PDE1C: variants seen among roughly 807,000 people sequenced by gnomAD.
PDE1C encodes phosphodiesterase 1C, also known as dual specificity calcium/calmodulin-dependent 3',5'-cyclic nucleotide phosphodiesterase 1C.
A neutral mutation model predicts 93.1 loss-of-function variants in PDE1C; 62 were observed. The observed-to-expected ratio is 0.67, with a 90% CI of 0.54 to 0.82. The LOEUF is 0.82. Among genes scored for constraint, PDE1C ranks in the 40% least tolerant of loss-of-function variants. PDE1C has a pLI of 0.00. For synonymous variants in PDE1C, 325 were observed against 310.1 expected (o/e 1.05, Z -0.50); for missense variants, 742 against 884.6 (o/e 0.84, Z 2.04).
At chr7:31,709,621 C>T in the PDE1C span, among the ~76,000 whole-genome samples, 193 of 152,116 alleles carry the variant, frequency 1.3e-3, no homozygotes, top group Non-Finnish European at 4.6e-4. Flanking sequence ...AATAGAGTCC[C>T]AATCTTAAAA....
In PDE1C at chr7:31,824,910, C is replaced by G; in HGVS notation, c.1363G>C (p.Asp455His). ...GTCCCACCAGTTTGAGAGGTTTCAT[C>G]GATTAATGGACTCACAATCTTCTCG... ...MTEKIVSPLI[D>H]ETSQTGGTGQ... The change falls in exon 13 of 18, where the codon GAT becomes CAT. Residue 455 changes from aspartate to histidine, a missense_variant. Transcript: ENST00000396191. 1 of 1,613,324 alleles carries G rather than the reference C, an allele frequency of 6.2e-7. No homozygotes were observed. The highest frequency in any genetic ancestry group is 8.5e-7 in the Non-Finnish European group (1 of 1,179,492).
intron 3 of PDE1C, among the ~76,000 whole-genome samples, chr7:32,137,240 C>T (rs1800264208): frequency 6.6e-6 from 1 of 152,214 alleles, no homozygotes; most frequent in Non-Finnish European, 1.5e-5. Context: ...GCATAGCAAT[C>T]AATCACAGCA....
chr7:31,967,332 C>T (rs866494320), intron 2 of PDE1C, among the ~76,000 whole-genome samples: 3 of 152,294 alleles, frequency 2.0e-5, no homozygotes, highest in Middle Eastern at 3.4e-3. Flanking sequence ...CCATAAACAC[C>T]TCTACACAAA....
Position 32,194,823 on chromosome 7 carries a change from T to C in PDE1C, c.136+14666A>G, listed in dbSNP as rs76096978. Among the ~76,000 whole-genome samples, 1,418 of 152,294 alleles carry C rather than the reference T, an allele frequency of 9.3e-3. 29 individuals carry two copies. Among genetic ancestry groups the C allele is most frequent in the African/African-American group, 0.032 (1,331 of 41,564 alleles). On this transcript the variant is annotated intron_variant, in intron 2 of 18. Transcript: ENST00000396193. ...TCTTCTTTTATTTTTTATTTCCTGTTTGTCCTCTTTATTTTTCATTTATCT... is the reference window on the plus strand; with the variant it reads ...TCTTCTTTTATTTTTTATTTCCTGTCTGTCCTCTTTATTTTTCATTTATCT...
intron 1 of PDE1C, among the ~76,000 whole-genome samples, chr7:32,382,035 T>C (rs918207346): frequency 1.3e-5 from 2 of 152,202 alleles, no homozygotes; most frequent in Non-Finnish European, 2.9e-5. Context: ...GTGATATGAT[T>C]ATCATTTCCA....
chr7:32,409,148 G>A (rs1477868305), intron 1 of PDE1C, among the ~76,000 whole-genome samples: 1 of 152,106 alleles, frequency 6.6e-6, no homozygotes, highest in Admixed American at 6.5e-5. Context: ...CTTAAGCCCA[G>A]GAGTTCGAGA....
the PDE1C span, among the ~76,000 whole-genome samples, chr7:31,718,879 T>C: frequency 3.4e-3 from 512 of 152,264 alleles, 1 homozygote; most frequent in African/African-American, 0.012. Context: ...GGGAAGTGTC[T>C]GAAACACCCT....
chr7:32,083,833 A>T (rs1183118068), intron 3 of PDE1C, among the ~76,000 whole-genome samples: 2 of 152,212 alleles, frequency 1.3e-5, no homozygotes, highest in Non-Finnish European at 1.5e-5. Flanking sequence ...GCCTGCCCTA[A>T]AAGAGCTCCT....
At chr7:32,205,443 T>C (rs1167339197) in intron 2 of PDE1C, among the ~76,000 whole-genome samples, 1 of 151,914 alleles carries the variant, frequency 6.6e-6, no homozygotes, top group Non-Finnish European at 1.5e-5. Flanking sequence ...TGGCTAAAGG[T>C]TTGTAAATGC....
the PDE1C span, chr7:31,651,300 T>A: frequency 6.2e-7 from 1 of 1,606,650 alleles, no homozygotes; most frequent in Middle Eastern, 1.7e-4. Context: ...TAAAAGTAAG[T>A]ACCAGCCCAC....
the PDE1C span, among the ~76,000 whole-genome samples, chr7:31,704,532 C>G: frequency 2.6e-5 from 4 of 152,134 alleles, no homozygotes; most frequent in African/African-American, 4.8e-5. Flanking sequence ...AAGTCTTGTG[C>G]CAGATGTTAG....
chr7:31,676,429 TAC>T, the PDE1C span, among the ~76,000 whole-genome samples: 4 of 151,208 alleles, frequency 2.6e-5, no homozygotes, highest in Admixed American at 1.3e-4. Context: ...TTTTTAAAAC[TAC>T]ACACACACAC....
At chr7:32,240,259 G>A (rs183961183) in intron 1 of PDE1C, among the ~76,000 whole-genome samples, 1 of 152,240 alleles carries the variant, frequency 6.6e-6, no homozygotes, top group East Asian at 1.9e-4. Context: ...ACAGTTTATG[G>A]TAATGAATGA....
chr7:31,972,791 C>A (rs998990374), intron 2 of PDE1C, among the ~76,000 whole-genome samples: 1 of 152,118 alleles, frequency 6.6e-6, no homozygotes, highest in African/African-American at 2.4e-5. Flanking sequence ...TGCTTCTTCC[C>A]CTGTAGGAGG....
At chr7:31,741,556 T>G in the PDE1C span, among the ~76,000 whole-genome samples, 1 of 152,210 alleles carries the variant, frequency 6.6e-6, no homozygotes, top group Non-Finnish European at 1.5e-5. Flanking sequence ...ATTTTTCACT[T>G]TAATTTTCAC....
chr7:32,167,604 G>C (rs76321395), intron 3 of PDE1C, among the ~76,000 whole-genome samples: 1 of 152,154 alleles, frequency 6.6e-6, no homozygotes, highest in African/African-American at 2.4e-5. Context: ...CTGTCAATAA[G>C]GCTGGGGGTC....
chr7:31,730,517 G>A, the PDE1C span, among the ~76,000 whole-genome samples: 3 of 152,210 alleles, frequency 2.0e-5, no homozygotes, highest in African/African-American at 7.2e-5. Flanking sequence ...CCATCCATCT[G>A]AGAATTGCCC....
Position 32,372,545 on chromosome 7 carries a change from A to G in PDE1C, c.310+55277T>C, listed in dbSNP as rs114954635. 2.2e-3 allele frequency among the ~76,000 whole-genome samples: 332 copies of G among 152,350 alleles called. 3 individuals carry two copies. Among genetic ancestry groups the G allele is most frequent in the African/African-American group, 7.6e-3 (316 of 41,582 alleles). ...ACAACTACAAAAAGAAGAAAATATA[A>G]GTAAATCTTTGTGATTTTTGGTTAG... On this transcript the variant is annotated intron_variant, in intron 1 of 1. Transcript: ENST00000672256.
rs1006322642 is a variant in PDE1C at position 31,754,657 on chromosome 7, T to C, written c.1961-1104A>G. On this transcript the variant is annotated intron_variant, in intron 17 of 17. Coordinates refer to ENST00000396191, the MANE Select transcript of PDE1C (RefSeq NM_001191057.4). ...CAGTCTGTAAAGGCTGTATAGCATA[T>C]GATTCCACTTATACGACATTCTTCA... 2.6e-5 allele frequency among the ~76,000 whole-genome samples: 4 copies of C among 152,212 alleles called. No individual in the cohort carries two copies. The East Asian group carries it at 7.7e-4, about 29-fold the overall frequency.
Sources: gnomAD v4.1 joint callset for allele counts (sites outside exome capture counted in the v4.1 genomes callset) on GRCh38, gnomAD v4.1.1 for gene constraint, MANE v1.5 for transcripts, NCBI Gene and HGNC (gene_info 2026-07-23, HGNC 2026-07-21) for gene names.